The following ARID1B variants were observed in gnomAD, a reference collection of about 807,000 sequenced individuals.
ARID1B encodes AT-rich interaction domain 1B, also known as AT-rich interactive domain-containing protein 1B.
Under a neutral mutation model 212.3 loss-of-function variants are expected in ARID1B, and 30 were observed. That is an observed-to-expected ratio of 0.14 (90% CI 0.11 to 0.19). The LOEUF (loss-of-function observed/expected upper bound fraction) is 0.19, where lower values mean the gene tolerates loss of function less well. Ranked by LOEUF, ARID1B falls within the 10% of genes least tolerant of loss-of-function variation. The pLI, the probability that ARID1B is intolerant of heterozygous loss-of-function variation, is 1.00. For synonymous variants in ARID1B, 1,402 were observed against 1,301.7 expected (o/e 1.08, Z -1.66); for missense variants, 2,891 against 3,204.0 (o/e 0.90, Z 2.36).
chr6:157,065,819 T>C (rs929733640), intron 4 of ARID1B, among the ~76,000 whole-genome samples: 10 of 152,238 alleles, frequency 6.6e-5, no homozygotes, highest in African/African-American at 2.4e-4. Flanking sequence ...TATGCTGTCA[T>C]TGTGTAGAAG....
At chr6:156,893,441 G>A (rs781473141) in intron 2 of ARID1B, among the ~76,000 whole-genome samples, 2 of 152,146 alleles carry the variant, frequency 1.3e-5, no homozygotes, top group African/African-American at 2.4e-5. Context: ...ATTGGAGTAC[G>A]TCAAAGTTTT....
chr6:156,851,086 G>C (rs533580446), intron 2 of ARID1B, among the ~76,000 whole-genome samples: 2 of 152,238 alleles, frequency 1.3e-5, no homozygotes, highest in African/African-American at 4.8e-5. Context: ...GAATGAGCCA[G>C]GTCTGGCTCT....
At chr6:157,144,799 G>A (rs909291266) in intron 7 of ARID1B, among the ~76,000 whole-genome samples, 2 of 152,186 alleles carry the variant, frequency 1.3e-5, no homozygotes, top group African/African-American at 2.4e-5. Flanking sequence ...TGTGTGTCCC[G>A]TGGGATGGGA....
intron 4 of ARID1B, among the ~76,000 whole-genome samples, chr6:157,018,374 C>G (rs1780037079): frequency 6.6e-6 from 1 of 152,030 alleles, no homozygotes; most frequent in African/African-American, 2.4e-5. Flanking sequence ...TGCCACTACA[C>G]CCAGCTAATT....
At chr6:157,165,555 A>T (rs759615971) in intron 8 of ARID1B, among the ~76,000 whole-genome samples, 58 of 123,256 alleles carry the variant, frequency 4.7e-4, no homozygotes, top group East Asian at 6.8e-4. Context: ...CAGTATATTT[A>T]AAAAAAAAAA....
intron 3 of ARID1B, among the ~76,000 whole-genome samples, chr6:156,931,264 G>T (rs888206066): frequency 1.3e-5 from 2 of 149,316 alleles, no homozygotes; most frequent in Non-Finnish European, 3.0e-5. Context: ...TTTTTAAAAA[G>T]TGTCTTTGAC....
chr6:156,861,445 C>CA (rs1457673285), intron 2 of ARID1B, among the ~76,000 whole-genome samples: 1 of 151,628 alleles, frequency 6.6e-6, no homozygotes, highest in African/African-American at 2.4e-5. Context: ...CCTGTCTCTA[C>CA]AAAAAATACA....
chr6:156,824,290 A>C lies in ARID1B; in HGVS notation c.1792-4937A>C, dbSNP rs201172792. On this transcript the variant is annotated intron_variant, in intron 1 of 19. Transcript: ENST00000636930. ...TTGTGGCCTTCACAGCACTTGTCTTATTTTCTGGAATTGAAACTCAAGCTA... is the reference window on the plus strand; with the variant it reads ...TTGTGGCCTTCACAGCACTTGTCTTCTTTTCTGGAATTGAAACTCAAGCTA... Among the ~76,000 whole-genome samples the C allele has an allele frequency of 3.3e-3, 510 of 152,278 alleles. 5 individuals carry two copies. Among genetic ancestry groups the C allele is most frequent in the African/African-American group, 0.012 (492 of 41,566 alleles).
intron 7 of ARID1B, among the ~76,000 whole-genome samples, chr6:157,141,445 GAAAAC>G (rs1456611275): frequency 1.3e-5 from 2 of 151,814 alleles, no homozygotes; most frequent in African/African-American, 4.8e-5. Flanking sequence ...GTATAGTTCA[GAAAAC>G]AAATTCTCTC....
At chr6:156,890,953 A>G (rs1448538494) in intron 2 of ARID1B, among the ~76,000 whole-genome samples, 1 of 152,184 alleles carries the variant, frequency 6.6e-6, no homozygotes, top group African/African-American at 2.4e-5. Context: ...TCTTCTTAAA[A>G]TAAGAAAGAG....
chr6:157,036,712 A>G (rs1438100068), intron 4 of ARID1B: 2 of 413,634 alleles, frequency 4.8e-6, no homozygotes, highest in African/African-American at 4.1e-5. Flanking sequence ...GACAACTGAC[A>G]TAAATGGAAT....
intron 1 of ARID1B, among the ~76,000 whole-genome samples, chr6:156,828,820 A>G (rs1394439998): frequency 5.3e-5 from 8 of 152,240 alleles, no homozygotes; most frequent in Admixed American, 5.2e-4. Flanking sequence ...TGTTCTAAGA[A>G]TACTTTGAAG....
chr6:156,946,489 G>GC (rs1285914854), intron 4 of ARID1B, among the ~76,000 whole-genome samples: 1 of 152,230 alleles, frequency 6.6e-6, no homozygotes, highest in African/African-American at 2.4e-5. Flanking sequence ...CCTGCCTAAA[G>GC]CCCACTCCAT....
chr6:156,777,781 C>CGCCCGGA lies in ARID1B; in HGVS notation c.108_114dup (p.Asp39SerfsTer51). 1 of 888,034 alleles carries CGCCCGGA rather than the reference C, an allele frequency of 1.1e-6. No homozygotes were observed. The highest frequency in any genetic ancestry group is 1.3e-6 in the Non-Finnish European group (1 of 745,502). 55.0% of individuals were successfully genotyped at this position (888,034 alleles called of 1,614,324 possible). On this transcript the variant is annotated frameshift_variant, in exon 1 of 20. Coordinates refer to ENST00000636930, the MANE Select transcript of ARID1B (RefSeq NM_001374828.1). LOFTEE classifies it high-confidence loss of function. The stretch of plus-strand genomic sequence containing the variant: ...CGGGCGCCCCCCGGGCCGCGGCCGG[C>CGCCCGGA]GCCCGGAGCCCGGGACCTGGAGGCG...
rs1791556791 is a variant in ARID1B, at chr6:157,169,357, CAG to C, written c.3235+2173_3235+2174del. 3 of 152,244 alleles carry C rather than the reference CAG, an allele frequency of 2.0e-5. No individual in the cohort carries two copies. The South Asian group carries it at 6.2e-4, about 32-fold the overall frequency. 9.4% of individuals were successfully genotyped at this position (152,244 alleles called of 1,614,324 possible). On this transcript the variant is annotated intron_variant, in intron 9 of 19. Coordinates refer to ENST00000636930, the MANE Select transcript of ARID1B (RefSeq NM_001374828.1). ...CGAGTTCAAACAACTGTGTTGTAGA[CAG>C]TGTACGGGGCCAAAAAAAAATCCTC...
intron 4 of ARID1B, among the ~76,000 whole-genome samples, chr6:157,039,682 C>CTTCTTTCT (rs1562569236): frequency 0.031 from 2,316 of 75,452 alleles, 65 homozygotes; most frequent in Middle Eastern, 0.051. Context: ...TCCTTCCTTC[C>CTTCTTTCT]TTCCTTCCTT....
chr6:157,127,550 T>G (rs1788214200), intron 6 of ARID1B, among the ~76,000 whole-genome samples: 1 of 151,344 alleles, frequency 6.6e-6, no homozygotes, highest in East Asian at 1.9e-4. Context: ...GGTGGGCGGA[T>G]CACAAGGTCA....
intron 4 of ARID1B, among the ~76,000 whole-genome samples, chr6:157,052,677 CAT>C (rs1266978470): frequency 6.6e-6 from 1 of 152,202 alleles, no homozygotes; most frequent in African/African-American, 2.4e-5. Flanking sequence ...ATTGGACAAA[CAT>C]AGCAACCTGT....
At chr6:156,892,414 A>G (rs1253019454) in intron 2 of ARID1B, among the ~76,000 whole-genome samples, 2 of 152,200 alleles carry the variant, frequency 1.3e-5, no homozygotes, top group Non-Finnish European at 2.9e-5. Flanking sequence ...CAAAATTTAC[A>G]TCTAGGTCTA....
Sources: gnomAD v4.1 joint callset for allele counts (sites outside exome capture counted in the v4.1 genomes callset) on GRCh38, gnomAD v4.1.1 for gene constraint, MANE v1.5 for transcripts, NCBI Gene and HGNC (gene_info 2026-07-23, HGNC 2026-07-21) for gene names.